FHIT: variants seen among roughly 807,000 people sequenced by gnomAD.
FHIT encodes fragile histidine triad diadenosine triphosphatase, also known as bis(5'-adenosyl)-triphosphatase.
Under a neutral mutation model 17.9 loss-of-function variants are expected in FHIT, and 19 were observed. The ratio of observed to expected loss-of-function variants is 1.06; its 90% CI spans 0.74 to 1.56. The LOEUF is 1.56. FHIT is among the 40% of genes most tolerant of loss of function. The pLI is 0.00. For missense variants in FHIT, 248 were observed against 189.2 expected, an observed-to-expected ratio of 1.31 and a Z score of -1.82; for synonymous variants, 81 against 69.7, an observed-to-expected ratio of 1.16 and a Z score of -0.81.
At chr3:60,939,684 A>G (rs1708329896) in intron 3 of FHIT, among the ~76,000 whole-genome samples, 1 of 152,184 alleles carries the variant, frequency 6.6e-6, no homozygotes, top group Non-Finnish European at 1.5e-5. Context: ...TACTACAGAA[A>G]TTATTATAAC....
At chr3:61,102,618 C>A (rs2035867251) in intron 2 of FHIT, among the ~76,000 whole-genome samples, 1 of 152,144 alleles carries the variant, frequency 6.6e-6, no homozygotes, top group Non-Finnish European at 1.5e-5. Context: ...GGAATAGTTG[C>A]AGAAGGAATG....
At chr3:60,672,339 G>GT (rs1233843725) in intron 4 of FHIT, among the ~76,000 whole-genome samples, 42 of 150,954 alleles carry the variant, frequency 2.8e-4, no homozygotes, top group African/African-American at 1.0e-3. Context: ...CATTTTATAG[G>GT]ATTTGGGTAG....
chr3:60,571,335 CAAAAAAA>C lies in FHIT; in HGVS notation c.-17-34363_-17-34357del, dbSNP rs56094072. Among the ~76,000 whole-genome samples, 54 of 54,670 alleles carry C rather than the reference CAAAAAAA, an allele frequency of 9.9e-4. 2 individuals are homozygous for C. Among genetic ancestry groups the C allele is most frequent in the East Asian group, 7.9e-3 (16 of 2,022 alleles). 35.9% of individuals were successfully genotyped at this position (54,670 alleles called of 152,430 possible). ...TGGGCAACAGGGCAAGACTCCATCG[CAAAAAAA>C]AAAAAAAAAAAAAAAAAAAAAGAAC... On this transcript the variant is annotated intron_variant, in intron 4 of 9. Transcript: ENST00000492590.
At chr3:60,604,756 C>A (rs782300203) in intron 4 of FHIT, among the ~76,000 whole-genome samples, 11 of 152,128 alleles carry the variant, frequency 7.2e-5, no homozygotes, top group African/African-American at 2.4e-4. Flanking sequence ...GCTCATTTTC[C>A]CTCTCACTTA....
At chr3:59,988,137 C>T (rs1017797758) in intron 7 of FHIT, among the ~76,000 whole-genome samples, 2 of 152,052 alleles carry the variant, frequency 1.3e-5, no homozygotes, top group South Asian at 2.1e-4. Flanking sequence ...CTGGAAGCAA[C>T]AGAGAATGAG....
At chr3:60,647,808 A>T (rs1553687180) in intron 4 of FHIT, among the ~76,000 whole-genome samples, 1 of 152,224 alleles carries the variant, frequency 6.6e-6, no homozygotes, top group Non-Finnish European at 1.5e-5. Flanking sequence ...GCAGAAAATT[A>T]TTGCAAAGGA....
chr3:61,166,058 T>C (rs2037827805), intron 2 of FHIT, among the ~76,000 whole-genome samples: 2 of 152,308 alleles, frequency 1.3e-5, no homozygotes, highest in African/African-American at 4.8e-5. Context: ...TGCATAGGGC[T>C]CTTAGGAATT....
chr3:60,516,289 A>G (rs1193382782), intron 5 of FHIT, among the ~76,000 whole-genome samples: 1 of 152,240 alleles, frequency 6.6e-6, no homozygotes, highest in African/African-American at 2.4e-5. Flanking sequence ...ATTTTCTAAA[A>G]CAAAAAAACT....
chr3:60,216,732 A>T (rs1173527875), intron 5 of FHIT, among the ~76,000 whole-genome samples: 4 of 152,278 alleles, frequency 2.6e-5, no homozygotes, highest in African/African-American at 9.6e-5. Context: ...TAAATGTCTT[A>T]GGCTATCACC....
At chr3:59,753,025 G>C (rs1447082849) in intron 8 of FHIT, among the ~76,000 whole-genome samples, 2 of 152,098 alleles carry the variant, frequency 1.3e-5, no homozygotes, top group Non-Finnish European at 2.9e-5. Context: ...ATGTTTAACA[G>C]GCATCATTCA....
chr3:60,249,589 G>C (rs1705582330), intron 5 of FHIT, among the ~76,000 whole-genome samples: 1 of 151,402 alleles, frequency 6.6e-6, no homozygotes, highest in Non-Finnish European at 1.5e-5. Context: ...TACAAGACAT[G>C]AATGGACAAA....
chr3:60,556,949 A>G (rs2036761668), intron 4 of FHIT, among the ~76,000 whole-genome samples: 1 of 152,242 alleles, frequency 6.6e-6, no homozygotes, highest in Non-Finnish European at 1.5e-5. Context: ...ACGTTTACAT[A>G]TGATGCCACC....
chr3:60,987,367 C>A (rs375566062), intron 3 of FHIT, among the ~76,000 whole-genome samples: 20 of 152,168 alleles, frequency 1.3e-4, no homozygotes, highest in African/African-American at 4.1e-4. Flanking sequence ...CCTGGCCTGC[C>A]CAGGGTGGAA....
chr3:60,619,707 A>G (rs1006681764), intron 4 of FHIT, among the ~76,000 whole-genome samples: 1 of 152,024 alleles, frequency 6.6e-6, no homozygotes, highest in Non-Finnish European at 1.5e-5. Context: ...ATGTAAAACC[A>G]TAGAACTCCT....
At chr3:59,926,642 T>C (rs774832925) in intron 7 of FHIT, among the ~76,000 whole-genome samples, 11 of 152,170 alleles carry the variant, frequency 7.2e-5, no homozygotes, top group Non-Finnish European at 1.6e-4. Context: ...TCAAAGAGTG[T>C]ATCACTAACG....
At chr3:59,876,911 G>A (rs79065328) in intron 8 of FHIT, among the ~76,000 whole-genome samples, 1,736 of 152,214 alleles carry the variant, frequency 0.011, 22 homozygotes, top group South Asian at 0.021. Context: ...ATACAATTCC[G>A]GTCATTCACA....
chr3:60,632,368 T>C (rs2039468042), intron 4 of FHIT, among the ~76,000 whole-genome samples: 1 of 152,194 alleles, frequency 6.6e-6, no homozygotes, highest in South Asian at 2.1e-4. Flanking sequence ...GTACTTCTCT[T>C]CCGAACAACT....
At chr3:60,271,040 A>C (rs766914455) in intron 5 of FHIT, among the ~76,000 whole-genome samples, 5 of 152,190 alleles carry the variant, frequency 3.3e-5, no homozygotes, top group Non-Finnish European at 5.9e-5. Context: ...AGGAATCTAC[A>C]TAACAGTGGA....
chr3:60,667,029 T>C (rs1577047822), intron 4 of FHIT, among the ~76,000 whole-genome samples: 1 of 137,206 alleles, frequency 7.3e-6, no homozygotes, highest in East Asian at 2.1e-4. Context: ...TAATTTTTTT[T>C]TTTTTTTTTT....
Sources: gnomAD v4.1 joint callset for allele counts (sites outside exome capture counted in the v4.1 genomes callset) on GRCh38, gnomAD v4.1.1 for gene constraint, MANE v1.5 for transcripts, NCBI Gene and HGNC (gene_info 2026-07-23, HGNC 2026-07-21) for gene names.